Variants in KCND2 observed in about 807,000 individuals in gnomAD.
KCND2 encodes the protein A-type voltage-gated potassium channel KCND2.
In KCND2, 16 loss-of-function variants were observed where a neutral mutation model predicts 54.4. The observed-to-expected ratio is 0.29, with a 90% CI of 0.20 to 0.45. KCND2 has a LOEUF of 0.45. Among genes scored for constraint, KCND2 ranks in the 20% least tolerant of loss-of-function variants. The pLI, the probability that KCND2 is intolerant of heterozygous loss-of-function variation, is 1.00. For missense variants in KCND2, 486 were observed against 824.2 expected, an observed-to-expected ratio of 0.59 and a Z score of 5.02; for synonymous variants, 317 against 310.7, an observed-to-expected ratio of 1.02 and a Z score of -0.21.
intron 1 of KCND2, among the ~76,000 whole-genome samples, chr7:120,475,596 C>T (rs1161244889): frequency 6.6e-6 from 1 of 152,100 alleles, no homozygotes; most frequent in African/African-American, 2.4e-5. Context: ...GTTCACAGAG[C>T]TTAAATGACT....
chr7:120,356,046 C>A (rs1800499170), intron 1 of KCND2, among the ~76,000 whole-genome samples: 1 of 151,772 alleles, frequency 6.6e-6, no homozygotes, highest in African/African-American at 2.4e-5. Flanking sequence ...GCAAGAGCTC[C>A]TGGAATATCA....
intron 1 of KCND2, among the ~76,000 whole-genome samples, chr7:120,616,189 T>G (rs1354938673): frequency 2.0e-5 from 3 of 152,200 alleles, no homozygotes; most frequent in African/African-American, 7.2e-5. Context: ...GAAGTCAAAT[T>G]ACCTGTATTA....
intron 1 of KCND2, among the ~76,000 whole-genome samples, chr7:120,355,804 A>G (rs1800495198): frequency 6.6e-6 from 1 of 152,220 alleles, no homozygotes; most frequent in Non-Finnish European, 1.5e-5. Flanking sequence ...GAGGAAATTC[A>G]TGCAACAGAA....
intron 1 of KCND2, among the ~76,000 whole-genome samples, chr7:120,581,346 C>T (rs1028644300): frequency 1.3e-5 from 2 of 152,134 alleles, no homozygotes; most frequent in Non-Finnish European, 2.9e-5. Flanking sequence ...TATCATAGGA[C>T]GTTCTTAGCA....
chr7:120,590,043 C>T (rs1329273382), intron 1 of KCND2, among the ~76,000 whole-genome samples: 2 of 152,148 alleles, frequency 1.3e-5, no homozygotes, highest in Non-Finnish European at 2.9e-5. Flanking sequence ...GAGACGGAGT[C>T]TCGCCCTGTC....
At chr7:120,398,891 T>C (rs1801199618) in intron 1 of KCND2, among the ~76,000 whole-genome samples, 1 of 152,032 alleles carries the variant, frequency 6.6e-6, no homozygotes, top group Non-Finnish European at 1.5e-5. Flanking sequence ...GGTCATAGGA[T>C]AGAGGCCATG....
intron 1 of KCND2, among the ~76,000 whole-genome samples, chr7:120,437,204 C>CTTTTTTTTTTTTT (rs66518858): frequency 2.3e-5 from 3 of 130,400 alleles, no homozygotes; most frequent in Non-Finnish European, 4.7e-5. Flanking sequence ...CAATATACAA[C>CTTTTTTTTTTTTT]TTTTTTTTTT....
intron 1 of KCND2, among the ~76,000 whole-genome samples, chr7:120,565,734 G>T: frequency 6.6e-6 from 1 of 152,304 alleles, no homozygotes; most frequent in African/African-American, 2.4e-5. Context: ...TTCTTTGAAA[G>T]ATAGAAGATA....
intron 1 of KCND2, among the ~76,000 whole-genome samples, chr7:120,419,685 T>C (rs965771843): frequency 2.0e-5 from 3 of 152,150 alleles, no homozygotes; most frequent in Non-Finnish European, 4.4e-5. Context: ...TATATACATA[T>C]TACACATGAT....
At chr7:120,618,917 A>G (rs1323966986) in intron 1 of KCND2, among the ~76,000 whole-genome samples, 5 of 152,116 alleles carry the variant, frequency 3.3e-5, no homozygotes, top group African/African-American at 1.2e-4. Context: ...GGCTCAAACA[A>G]TCCACCCCAG....
chr7:120,337,076 C>T (rs746468778), intron 1 of KCND2, among the ~76,000 whole-genome samples: 1 of 151,822 alleles, frequency 6.6e-6, no homozygotes. Flanking sequence ...AGCCTCTCCA[C>T]GTATGTAACT....
chr7:120,459,232 G>A (rs920424852), intron 1 of KCND2, among the ~76,000 whole-genome samples: 15 of 151,992 alleles, frequency 9.9e-5, no homozygotes, highest in Admixed American at 5.2e-4. Flanking sequence ...CTCCCTTGCC[G>A]TTCTTCCGAC....
chr7:120,447,022 A>T (rs1171147140), intron 1 of KCND2, among the ~76,000 whole-genome samples: 1 of 152,218 alleles, frequency 6.6e-6, no homozygotes, highest in Non-Finnish European at 1.5e-5. Flanking sequence ...AAGATAGCTG[A>T]CATGAATTGA....
intron 1 of KCND2, among the ~76,000 whole-genome samples, chr7:120,731,055 A>T (rs1792800352): frequency 6.6e-6 from 1 of 152,128 alleles, no homozygotes; most frequent in South Asian, 2.1e-4. Flanking sequence ...AACTTCGGCA[A>T]TAGTAAGATG....
intron 1 of KCND2, among the ~76,000 whole-genome samples, chr7:120,364,042 TACTGATGCATCCCAAGC>T (rs1216356791): frequency 6.6e-6 from 1 of 152,162 alleles, no homozygotes; most frequent in East Asian, 1.9e-4. Context: ...CTGTTTTGTT[TACTGATGCATCCCAAGC>T]ACCTAAAACA....
At chr7:120,382,936 G>A (rs1800934477) in intron 1 of KCND2, among the ~76,000 whole-genome samples, 1 of 151,830 alleles carries the variant, frequency 6.6e-6, no homozygotes. Context: ...TTTCAGTGGA[G>A]ATGTTTACTA....
At chr7:120,498,082 T>A (rs1802875839) in intron 1 of KCND2, among the ~76,000 whole-genome samples, 1 of 152,228 alleles carries the variant, frequency 6.6e-6, no homozygotes, top group African/African-American at 2.4e-5. Flanking sequence ...ATCAACATTT[T>A]AAAAACTATC....
chr7:120,392,809 C>T (rs1801097377), intron 1 of KCND2, among the ~76,000 whole-genome samples: 1 of 151,870 alleles, frequency 6.6e-6, no homozygotes, highest in Non-Finnish European at 1.5e-5. Flanking sequence ...TTTCATCTAA[C>T]ATTAATATAT....
At chr7:120,599,079 A>T (rs1792783315) in intron 1 of KCND2, among the ~76,000 whole-genome samples, 1 of 152,152 alleles carries the variant, frequency 6.6e-6, no homozygotes, top group Non-Finnish European at 1.5e-5. Flanking sequence ...TGTTCAAAAG[A>T]TTATCATTTT....
Sources: allele counts gnomAD v4.1 joint callset (sites outside exome capture counted in the v4.1 genomes callset), GRCh38; gene constraint gnomAD v4.1.1; transcripts MANE v1.5; gene names NCBI Gene and HGNC (gene_info 2026-07-23, HGNC 2026-07-21).